ADAM18: variants seen among roughly 807,000 people sequenced by gnomAD.
ADAM18 encodes the protein ADAM metallopeptidase domain 18, also known as disintegrin and metalloproteinase domain-containing protein 18.
A neutral mutation model predicts 94.4 loss-of-function variants in ADAM18; 117 were observed. That is an observed-to-expected ratio of 1.24 (90% CI 1.07 to 1.45). The LOEUF (loss-of-function observed/expected upper bound fraction) is 1.45. Among genes scored for constraint, ADAM18 ranks in the 40% most tolerant of loss-of-function variants. The pLI is 0.00. For synonymous variants in ADAM18, 327 were observed against 291.6 expected (o/e 1.12, Z -1.24); for missense variants, 936 against 880.0 (o/e 1.06, Z -0.81).
At chr8:39,625,358 A>G (rs1036427711) in intron 6 of ADAM18, among the ~76,000 whole-genome samples, 1 of 152,140 alleles carries the variant, frequency 6.6e-6, no homozygotes, top group African/African-American at 2.4e-5. Flanking sequence ...GTGTATAGCC[A>G]TGCTACTAAT....
intron 16 of ADAM18, among the ~76,000 whole-genome samples, chr8:39,687,881 G>A (rs965989052): frequency 1.1e-4 from 17 of 152,026 alleles, no homozygotes; most frequent in African/African-American, 3.1e-4. Context: ...ATTAATGGGC[G>A]TCTTCATTGA....
chr8:39,610,541 G>T lies in ADAM18; in HGVS notation c.357G>T (p.Gln119His). 2.5e-6 allele frequency: 4 copies of T among 1,603,630 alleles called. No individual in the cohort carries two copies. Among genetic ancestry groups the T allele is most frequent in the Non-Finnish European group, 3.4e-6 (4 of 1,174,508 alleles). ...TCTAAATTTTCAGGGGATTTCTCCA[G>T]TTTGAAAATATCAGTTATGGAATTG... ...SICSGLRGFL[Q>H]FENISYGIEP... The change falls in exon 6 of 20, where the codon CAG becomes CAT. Residue 119 changes from glutamine (Q) to histidine (H), a missense_variant. Physicochemically the swap from Gln to His is conservative, Grantham distance 24. Coordinates refer to ENST00000265707, the MANE Select transcript of ADAM18 (RefSeq NM_014237.3).
chr8:39,696,196 G>T (rs1052015132), intron 17 of ADAM18, among the ~76,000 whole-genome samples: 1 of 151,306 alleles, frequency 6.6e-6, no homozygotes, highest in African/African-American at 2.4e-5. Flanking sequence ...ACCTTTAGAT[G>T]ATTTTCTATT....
intron 2 of ADAM18, among the ~76,000 whole-genome samples, chr8:39,600,861 A>G (rs1818881776): frequency 6.6e-6 from 1 of 152,228 alleles, no homozygotes; most frequent in African/African-American, 2.4e-5. Flanking sequence ...AAGTGGCCCA[A>G]ATGCCCACAG....
chr8:39,612,983 C>T (rs1463352771), intron 6 of ADAM18, among the ~76,000 whole-genome samples: 3 of 152,182 alleles, frequency 2.0e-5, no homozygotes, highest in South Asian at 2.1e-4. Flanking sequence ...CCTGCCAGTA[C>T]ATGTACACAT....
At position 39,637,308 on chromosome 8, in the gene ADAM18, T is replaced by C; in HGVS notation, c.633T>C (p.Ile211=). The C allele has an allele frequency of 1.2e-6, 2 of 1,606,904 alleles. No homozygotes were observed. Among genetic ancestry groups the C allele is most frequent in the Non-Finnish European group, 1.7e-6 (2 of 1,176,420 alleles). Reference sequence around the variant, plus strand: ...AAATGATGGCTGTAACACAAAAAATTGTCCAGGTTATTGGGCTTGTCAACA... The same window carrying C: ...AAATGATGGCTGTAACACAAAAAATCGTCCAGGTTATTGGGCTTGTCAACA... ...GSEMMAVTQK[I]VQVIGLVNTM... is the part of the protein sequence containing the mutation. The change falls in exon 8 of 20, where the codon ATT becomes ATC. Residue 211 remains isoleucine (I), a synonymous_variant. Transcript: ENST00000265707.
intron 9 of ADAM18, 98 bp downstream of exon 9, chr8:39,637,801 C>T (rs1178252917): frequency 8.5e-7 from 1 of 1,170,416 alleles, no homozygotes. Flanking sequence ...TTGTAAGCCC[C>T]TTTGGAAGTG....
At chr8:39,609,249 A>G in intron 4 of ADAM18, 129 bp downstream of exon 4, 2 of 756,790 alleles carry the variant, frequency 2.6e-6, no homozygotes, top group Non-Finnish European at 4.2e-6. Context: ...GTACATAGAA[A>G]TGGCATGTGA....
At chr8:39,618,291 T>C (rs1819507142) in intron 6 of ADAM18, among the ~76,000 whole-genome samples, 1 of 152,104 alleles carries the variant, frequency 6.6e-6, no homozygotes, top group Non-Finnish European at 1.5e-5. Context: ...TGCCCAACAA[T>C]GCATTCGATA....
intron 2 of ADAM18, among the ~76,000 whole-genome samples, chr8:39,591,905 C>T (rs544033093): frequency 6.6e-6 from 1 of 152,174 alleles, no homozygotes; most frequent in African/African-American, 2.4e-5. Context: ...GCAGAATGGA[C>T]GCTGTGTTCG....
rs908385241 is a variant in ADAM18 at position 39,680,108 on chromosome 8, C to T, written c.1703C>T (p.Thr568Ile). 2.5e-6 allele frequency: 4 copies of T among 1,613,746 alleles called. No homozygotes were observed. The African/African-American group carries it at 4.0e-5, about 16-fold the overall frequency. The change falls in exon 16 of 20, where the codon ACA (threonine) becomes ATA (isoleucine). Residue 568 changes from threonine to isoleucine, a missense_variant. Transcript: ENST00000265707. ...KNANKSDAQS[T>I]VYSYIQDHVC... Reference sequence around the variant, plus strand: ...GCTAATAAAAGTGACGCTCAATCTACAGTTTATTCATATATTCAAGACCAT... The same window carrying T: ...GCTAATAAAAGTGACGCTCAATCTATAGTTTATTCATATATTCAAGACCAT...
At chr8:39,706,573 G>C (rs1034773759) in intron 17 of ADAM18, among the ~76,000 whole-genome samples, 2 of 152,104 alleles carry the variant, frequency 1.3e-5, no homozygotes, top group Non-Finnish European at 1.5e-5. Flanking sequence ...ATAGAGGCCA[G>C]AAATAAACTT....
chr8:39,668,147 C>T lies in ADAM18; in HGVS notation c.1476C>T (p.Asn492=), dbSNP rs35144407. The change falls in exon 14 of 20, where the codon AAC becomes AAT. Residue 492 remains asparagine (N), a synonymous_variant. Transcript: ENST00000265707. ...LCKLGTAYCY[N]GQCQTTDNQC... ...AGTTGGGAACTGCCTATTGCTATAA[C>T]GGACAATGTCAAACTACTGATAACC... 3.9e-4 allele frequency: 636 copies of T among 1,613,950 alleles called. 1 individual carries two copies. The African/African-American group carries it at 6.9e-3, about 18-fold the overall frequency.
chr8:39,669,545 A>G (rs1821095096), intron 14 of ADAM18, among the ~76,000 whole-genome samples: 1 of 136,332 alleles, frequency 7.3e-6, no homozygotes, highest in African/African-American at 2.8e-5. Context: ...ATTTCCACCT[A>G]TGAGTGAGAA....
chr8:39,705,013 A>G (rs1340131146), intron 17 of ADAM18, among the ~76,000 whole-genome samples: 2 of 152,170 alleles, frequency 1.3e-5, no homozygotes, highest in African/African-American at 2.4e-5. Flanking sequence ...TGATATCAAA[A>G]TGCAAAAATG....
At chr8:39,607,263 T>C (rs896547765) in intron 3 of ADAM18, among the ~76,000 whole-genome samples, 1 of 152,226 alleles carries the variant, frequency 6.6e-6, no homozygotes, top group African/African-American at 2.4e-5. Flanking sequence ...AGTTAGCCTC[T>C]TTCTCACTCA....
chr8:39,663,598 C>CAGAAAAA (rs1820906706), intron 12 of ADAM18, among the ~76,000 whole-genome samples, 197 bp from the exon 13 acceptor site: 1 of 19,592 alleles, frequency 5.1e-5, no homozygotes, highest in East Asian at 2.1e-3. Context: ...AATCCTGTCT[C>CAGAAAAA]AAAAAAAAAA....
chr8:39,676,705 A>C (rs1177718085), intron 14 of ADAM18, among the ~76,000 whole-genome samples: 1 of 152,254 alleles, frequency 6.6e-6, no homozygotes, highest in Non-Finnish European at 1.5e-5. Context: ...TTGGAAATGC[A>C]GAAATCACCC....
chr8:39,677,485 G>T lies in ADAM18; in HGVS notation c.1580G>T (p.Arg527Ile). 3 of 1,610,924 alleles carry T rather than the reference G, an allele frequency of 1.9e-6. No homozygotes were observed. The highest frequency in any genetic ancestry group is 1.1e-5 in the South Asian group (1 of 90,174). Residue 527 changes from arginine (R) to isoleucine (I), a missense_variant, in exon 15 of 20, where the codon AGA becomes ATA. Physicochemically the swap from Arg to Ile is moderately conservative, Grantham distance 97. Coordinates refer to ENST00000265707, the MANE Select transcript of ADAM18 (RefSeq NM_014237.3). Reference sequence around the variant, plus strand: ...AAAGAAGTTAATTCTCTGCATGAAAGATCTGAAAACTGTGGTTTTAAAAAT... The same window carrying T: ...AAAGAAGTTAATTCTCTGCATGAAATATCTGAAAACTGTGGTTTTAAAAAT... ...CFKEVNSLHE[R>I]SENCGFKNSQ...
Sources: allele counts gnomAD v4.1 joint callset (sites outside exome capture counted in the v4.1 genomes callset), GRCh38; gene constraint gnomAD v4.1.1; transcripts MANE v1.5; gene names NCBI Gene and HGNC (gene_info 2026-07-23, HGNC 2026-07-21).